Variants in RBFOX3 observed in about 807,000 individuals in gnomAD.
RBFOX3 encodes RNA binding fox-1 homolog 3.
In RBFOX3, 17 loss-of-function variants were observed where a neutral mutation model predicts 48.7. That is an observed-to-expected ratio of 0.35 (90% CI 0.24 to 0.52). The LOEUF (loss-of-function observed/expected upper bound fraction) is 0.52. Among genes scored for constraint, RBFOX3 ranks in the 20% least tolerant of loss-of-function variants. The pLI is 0.94. For synonymous variants in RBFOX3, 212 were observed against 209.5 expected, an observed-to-expected ratio of 1.01 and a Z score of -0.10; for missense variants, 382 against 497.5, an observed-to-expected ratio of 0.77 and a Z score of 2.21.
chr17:79,288,506 C>T (rs2072515057), intron 3 of RBFOX3, among the ~76,000 whole-genome samples: 1 of 152,136 alleles, frequency 6.6e-6, no homozygotes, highest in Non-Finnish European at 1.5e-5. Flanking sequence ...CCAGCCCCTC[C>T]ATCCTGGTCA....
Position 79,356,321 on chromosome 17 carries a change from G to T in RBFOX3, c.-174-48497C>A, listed in dbSNP as rs1398170253. 1.5e-5 allele frequency among the ~76,000 whole-genome samples: 2 copies of T among 133,308 alleles called. 1 individual carries two copies. Among genetic ancestry groups the T allele is most frequent in the African/African-American group, 5.6e-5 (2 of 35,564 alleles). 87.5% of individuals were successfully genotyped at this position (133,308 alleles called of 152,430 possible). On this transcript the variant is annotated intron_variant, in intron 2 of 14. Transcript: ENST00000693108. ...CCAAGGTACCTCTGCCGTGAGGCACGTACTTTTTCACTTTTAAAACAGGGA... is the reference window on the plus strand; with the variant it reads ...CCAAGGTACCTCTGCCGTGAGGCACTTACTTTTTCACTTTTAAAACAGGGA...
chr17:79,102,580 GGA>G (rs1449798050), intron 8 of RBFOX3, among the ~76,000 whole-genome samples: 1 of 152,236 alleles, frequency 6.6e-6, no homozygotes, highest in Non-Finnish European at 1.5e-5. Context: ...GAGCAGGGAA[GGA>G]GGGGACAGAG....
At chr17:79,312,700 C>T (rs4790005) in intron 2 of RBFOX3, among the ~76,000 whole-genome samples, 48,940 of 152,014 alleles carry the variant, frequency 0.32, 7,958 homozygotes, top group East Asian at 0.38. Flanking sequence ...CTCCTTCATG[C>T]ACATAAAAAG....
intron 4 of RBFOX3, among the ~76,000 whole-genome samples, chr17:79,182,431 C>T (rs571599387): frequency 8.3e-4 from 126 of 152,294 alleles, no homozygotes; most frequent in African/African-American, 2.7e-3. Context: ...CCACAGAGGC[C>T]GAGGGGCCTG....
chr17:79,159,211 AGG>A (rs1225066094), intron 4 of RBFOX3, among the ~76,000 whole-genome samples: 79 of 152,322 alleles, frequency 5.2e-4, no homozygotes, highest in Middle Eastern at 3.4e-3. Context: ...GCCCAGCACC[AGG>A]TGAGCTGACC....
intron 2 of RBFOX3, among the ~76,000 whole-genome samples, chr17:79,380,705 G>A (rs900637203): frequency 6.6e-6 from 1 of 152,216 alleles, no homozygotes; most frequent in East Asian, 1.9e-4. Context: ...GATGCATTTG[G>A]TGAGCAATGG....
At chr17:79,211,042 G>A (rs1044286421) in intron 4 of RBFOX3, among the ~76,000 whole-genome samples, 1 of 150,794 alleles carries the variant, frequency 6.6e-6, no homozygotes, top group African/African-American at 2.5e-5. Context: ...CATGTGCTAT[G>A]GTGTGCGGCT....
At chr17:79,124,283 C>T (rs1015567373) in intron 4 of RBFOX3, among the ~76,000 whole-genome samples, 5 of 152,242 alleles carry the variant, frequency 3.3e-5, no homozygotes, top group Admixed American at 1.3e-4. Context: ...ACGCCACTGC[C>T]CAGCTCCCTT....
chr17:79,314,674 A>C (rs528445736), intron 2 of RBFOX3, among the ~76,000 whole-genome samples: 7 of 152,352 alleles, frequency 4.6e-5, no homozygotes, highest in African/African-American at 1.7e-4. Flanking sequence ...AGAGCTGCAG[A>C]AACCATGTTC....
the RBFOX3 span, among the ~76,000 whole-genome samples, chr17:79,636,796 G>C: frequency 6.6e-6 from 1 of 152,074 alleles, no homozygotes; most frequent in Non-Finnish European, 1.5e-5. Flanking sequence ...AAAATGACAA[G>C]AGTAAGTTTT....
At chr17:79,651,052 C>A in the RBFOX3 span, among the ~76,000 whole-genome samples, 1 of 152,244 alleles carries the variant, frequency 6.6e-6, no homozygotes, top group Non-Finnish European at 1.5e-5. Flanking sequence ...GTGTTCTGCA[C>A]TGTTCCTCAG....
chr17:79,102,939 G>T (rs1488641320), intron 8 of RBFOX3, among the ~76,000 whole-genome samples: 1 of 152,210 alleles, frequency 6.6e-6, no homozygotes, highest in Admixed American at 6.5e-5. Context: ...GAGGGAAGAG[G>T]CAGGGGAGAG....
upstream of RBFOX3, among the ~76,000 whole-genome samples, chr17:79,613,616 C>T (rs941307503): frequency 5.9e-5 from 9 of 152,280 alleles, no homozygotes; most frequent in South Asian, 2.1e-4. Context: ...GCCAACAGGA[C>T]GACTGAAGGC....
intron 2 of RBFOX3, among the ~76,000 whole-genome samples, chr17:79,371,183 G>T (rs746609398): frequency 6.6e-6 from 1 of 152,210 alleles, no homozygotes; most frequent in South Asian, 2.1e-4. Flanking sequence ...CCATGGCGAG[G>T]GGCCACAGTG....
chr17:79,515,115 C>T (rs2085057918), intron 1 of RBFOX3, among the ~76,000 whole-genome samples: 1 of 152,210 alleles, frequency 6.6e-6, no homozygotes, highest in South Asian at 2.1e-4. Flanking sequence ...TGGCCCCACC[C>T]ACACATCTAC....
At chr17:79,549,330 C>T (rs1490900532) in intron 1 of RBFOX3, among the ~76,000 whole-genome samples, 1 of 152,262 alleles carries the variant, frequency 6.6e-6, no homozygotes, top group Non-Finnish European at 1.5e-5. Flanking sequence ...CAGCCCACTC[C>T]TCTGGGGCTC....
At chr17:79,095,417 G>T in intron 13 of RBFOX3, 96 bp downstream of exon 13, 2 of 1,122,418 alleles carry the variant, frequency 1.8e-6, no homozygotes, top group Non-Finnish European at 2.6e-6. Flanking sequence ...TGGAAGAGTG[G>T]GTTACGCCTC....
rs1275325273 is a variant in RBFOX3, at chr17:79,477,532, G to A, written c.-175+4922C>T. On this transcript the variant is annotated intron_variant, in intron 2 of 14. Coordinates refer to ENST00000693108, the MANE Select transcript of RBFOX3 (RefSeq NM_001350451.2). This position sits in a 1 kb window ranked among gnomAD's most constrained non-coding sequence, Gnocchi z 4.8. ...GATCGCCCCATCGCACTCCAGCCTGGGCGACAGAGCGAAACTCCGTCACCG... is the reference window on the plus strand; with the variant it reads ...GATCGCCCCATCGCACTCCAGCCTGAGCGACAGAGCGAAACTCCGTCACCG... 6.6e-6 allele frequency among the ~76,000 whole-genome samples: 1 copy of A among 151,666 alleles called. No homozygotes were observed. Among genetic ancestry groups the A allele is most frequent in the Admixed American group, 6.6e-5 (1 of 15,208 alleles).
At chr17:79,365,519 G>A (rs533980976) in intron 2 of RBFOX3, among the ~76,000 whole-genome samples, 94 of 152,326 alleles carry the variant, frequency 6.2e-4, no homozygotes, top group African/African-American at 2.1e-3. Flanking sequence ...CGGCCCTGGC[G>A]CTCCCACGCG....
Sources: allele counts gnomAD v4.1 joint callset (sites outside exome capture counted in the v4.1 genomes callset), GRCh38; gene constraint gnomAD v4.1.1; non-coding constraint Gnocchi (gnomAD v3.1); transcripts MANE v1.5; gene names NCBI Gene and HGNC (gene_info 2026-07-23, HGNC 2026-07-21).